Variants in UBE2E2 observed in about 807,000 individuals in gnomAD.
UBE2E2 encodes ubiquitin-conjugating enzyme E2 E2.
A neutral mutation model predicts 24.7 loss-of-function variants in UBE2E2; 6 were observed. The ratio of observed to expected loss-of-function variants is 0.24; its 90% CI spans 0.13 to 0.48. The LOEUF is 0.48. Among genes scored for constraint, UBE2E2 ranks in the 20% least tolerant of loss-of-function variants. The pLI is 0.99. For missense variants in UBE2E2, 169 were observed against 245.0 expected, an observed-to-expected ratio of 0.69 and a Z score of 2.07; for synonymous variants, 104 against 83.6, an observed-to-expected ratio of 1.24 and a Z score of -1.33.
At chr3:23,525,278 C>T (rs1478893310) in intron 4 of UBE2E2, among the ~76,000 whole-genome samples, 1 of 152,162 alleles carries the variant, frequency 6.6e-6, no homozygotes, top group Non-Finnish European at 1.5e-5. Context: ...TGTGAGGTAA[C>T]ATTCACAGGT....
chr3:23,585,027 A>T (rs975247864), intron 5 of UBE2E2, among the ~76,000 whole-genome samples: 3 of 152,142 alleles, frequency 2.0e-5, no homozygotes, highest in Admixed American at 2.0e-4. Context: ...GTGATCTTGC[A>T]GTCTTACGCT....
intron 3 of UBE2E2, among the ~76,000 whole-genome samples, chr3:23,257,939 TCTA>T (rs1697782210): frequency 2.0e-5 from 3 of 152,156 alleles, no homozygotes; most frequent in Admixed American, 6.5e-5. Flanking sequence ...CGTCTATTCC[TCTA>T]CTATCATTAA....
chr3:23,497,706 A>G (rs1288410790), intron 3 of UBE2E2, among the ~76,000 whole-genome samples: 2 of 152,164 alleles, frequency 1.3e-5, no homozygotes, highest in Non-Finnish European at 2.9e-5. Context: ...TTAATTTTTC[A>G]ATATTTCTAG....
At chr3:23,350,718 A>G (rs1695720759) in intron 3 of UBE2E2, among the ~76,000 whole-genome samples, 1 of 152,232 alleles carries the variant, frequency 6.6e-6, no homozygotes, top group African/African-American at 2.4e-5. Context: ...CAAAGCCTCC[A>G]AGAAATATGG....
chr3:23,538,401 G>A (rs1334488917), intron 5 of UBE2E2, among the ~76,000 whole-genome samples: 5 of 152,096 alleles, frequency 3.3e-5, no homozygotes, highest in African/African-American at 1.2e-4. Flanking sequence ...CAAAGAAAAG[G>A]AAAGCTATGG....
chr3:23,551,080 A>G (rs998419489), intron 5 of UBE2E2, among the ~76,000 whole-genome samples: 1 of 152,260 alleles, frequency 6.6e-6, no homozygotes, highest in Non-Finnish European at 1.5e-5. Context: ...CTGTTAGAGT[A>G]AAATGCAACA....
At chr3:23,425,317 T>C (rs762215211) in intron 3 of UBE2E2, among the ~76,000 whole-genome samples, 1 of 152,180 alleles carries the variant, frequency 6.6e-6, no homozygotes, top group Non-Finnish European at 1.5e-5. Context: ...GGACAAATCA[T>C]TTAACTTTCT....
intron 3 of UBE2E2, chr3:23,323,392 G>A (rs9844558): frequency 0.71 from 175,424 of 246,594 alleles, 62,844 homozygotes; most frequent in African/African-American, 0.78. Context: ...TATTCTAGAC[G>A]ATTTAAGAAG....
intron 4 of UBE2E2, among the ~76,000 whole-genome samples, chr3:23,512,590 C>G (rs1370878159): frequency 6.6e-6 from 1 of 152,088 alleles, no homozygotes; most frequent in Non-Finnish European, 1.5e-5. Context: ...CCTTTTGCCT[C>G]TATTTTTGTG....
At chr3:23,314,081 T>C (rs938218017) in intron 3 of UBE2E2, among the ~76,000 whole-genome samples, 8 of 152,214 alleles carry the variant, frequency 5.3e-5, no homozygotes, top group Admixed American at 2.0e-4. Context: ...TTGCTGTTTT[T>C]ACTTATATCT....
At chr3:23,552,110 A>G (rs1435725567) in intron 5 of UBE2E2, among the ~76,000 whole-genome samples, 1 of 152,158 alleles carries the variant, frequency 6.6e-6, no homozygotes, top group Non-Finnish European at 1.5e-5. Context: ...TCCAGAACTG[A>G]GAGAAATAAA....
chr3:23,232,626 C>T (rs1697003903), intron 3 of UBE2E2, among the ~76,000 whole-genome samples: 1 of 152,090 alleles, frequency 6.6e-6, no homozygotes, highest in South Asian at 2.1e-4. Flanking sequence ...GATGTGTTTT[C>T]CTTCCTACAT....
chr3:23,434,161 C>T (rs764044332), intron 3 of UBE2E2, among the ~76,000 whole-genome samples: 6 of 151,932 alleles, frequency 3.9e-5, no homozygotes, highest in Non-Finnish European at 7.4e-5. Context: ...GTGGGTGTTC[C>T]GCTTATTTTT....
intron 3 of UBE2E2, among the ~76,000 whole-genome samples, chr3:23,445,676 C>T (rs1442650484): frequency 6.6e-6 from 1 of 152,136 alleles, no homozygotes; most frequent in South Asian, 2.1e-4. Context: ...GTCTGAGTTA[C>T]CTGTGAATGT....
Position 23,474,234 on chromosome 3 carries a change from T to C in UBE2E2, c.228-25374T>C, listed in dbSNP as rs966928950. On this transcript the variant is annotated intron_variant, in intron 3 of 5. Coordinates refer to ENST00000396703, the MANE Select transcript of UBE2E2 (RefSeq NM_152653.4). This position sits in a 1 kb window ranked among gnomAD's most constrained non-coding sequence, Gnocchi z 4.0. ...GTCCTTAGCCCACTTTTTGATGGGA[T>C]TGTTGTTTTTCTCCTGTTAATTGTT... Among the ~76,000 whole-genome samples, 1 of 152,054 alleles carries C rather than the reference T, an allele frequency of 6.6e-6. No homozygotes were observed. The highest frequency in any genetic ancestry group is 2.4e-5 in the African/African-American group (1 of 41,332).
intron 3 of UBE2E2, among the ~76,000 whole-genome samples, chr3:23,294,645 ATTAT>A (rs1698861084): frequency 2.0e-5 from 3 of 146,642 alleles, no homozygotes; most frequent in South Asian, 4.2e-4. Context: ...GTATCTTTAG[ATTAT>A]TTTATTTATT....
At chr3:23,388,560 A>G (rs1242431422) in intron 3 of UBE2E2, among the ~76,000 whole-genome samples, 16 of 152,146 alleles carry the variant, frequency 1.1e-4, no homozygotes, top group Admixed American at 1.0e-3. Context: ...GCATTTTTTC[A>G]TTTTATTGCA....
intron 5 of UBE2E2, among the ~76,000 whole-genome samples, chr3:23,571,465 T>C (rs1240503430): frequency 6.6e-6 from 1 of 151,450 alleles, no homozygotes; most frequent in Non-Finnish European, 1.5e-5. Context: ...AATTTTTGTA[T>C]TTTTAGTAGG....
chr3:23,339,650 T>A (rs896697179), intron 3 of UBE2E2, among the ~76,000 whole-genome samples: 7 of 151,950 alleles, frequency 4.6e-5, no homozygotes, highest in Non-Finnish European at 8.8e-5. Flanking sequence ...TTTATTAAAT[T>A]TGACTTTATA....
Sources: allele counts gnomAD v4.1 joint callset (sites outside exome capture counted in the v4.1 genomes callset), GRCh38; gene constraint gnomAD v4.1.1; non-coding constraint Gnocchi (gnomAD v3.1); transcripts MANE v1.5; gene names NCBI Gene and HGNC (gene_info 2026-07-23, HGNC 2026-07-21).